The following PDE1C variants were observed in gnomAD, a reference collection of about 807,000 sequenced individuals.
The protein encoded by PDE1C is phosphodiesterase 1C.
A neutral mutation model predicts 93.1 loss-of-function variants in PDE1C; 62 were observed. That is an observed-to-expected ratio of 0.67 (90% CI 0.54 to 0.82). PDE1C has a LOEUF of 0.82. Among genes scored for constraint, PDE1C ranks in the 40% least tolerant of loss-of-function variants. The probability of loss-of-function intolerance (pLI) is 0.00; values close to 1 mark genes in which losing one functional copy is unlikely to be tolerated. For synonymous variants in PDE1C, 325 were observed against 310.1 expected (o/e 1.05, Z -0.50); for missense variants, 742 against 884.6 (o/e 0.84, Z 2.04).
chr7:31,744,626 A>G, the PDE1C span, among the ~76,000 whole-genome samples: 22 of 152,278 alleles, frequency 1.4e-4, no homozygotes, highest in African/African-American at 5.3e-4. Context: ...ATTTCTAGAA[A>G]TGATCAAGGC....
the PDE1C span, among the ~76,000 whole-genome samples, chr7:31,744,814 G>A: frequency 3.9e-5 from 6 of 152,110 alleles, no homozygotes; most frequent in African/African-American, 1.4e-4. Context: ...TCCAAAATTC[G>A]GGAAACTGCA....
At chr7:31,695,516 C>T in the PDE1C span, 2 of 1,613,312 alleles carry the variant, frequency 1.2e-6, no homozygotes, top group South Asian at 1.1e-5. Context: ...CAAAAAGAAG[C>T]CTAGAAAGGG....
chr7:31,710,527 A>G, the PDE1C span, among the ~76,000 whole-genome samples: 1 of 152,180 alleles, frequency 6.6e-6, no homozygotes, highest in East Asian at 1.9e-4. Context: ...AATTAAGTGA[A>G]TTTTCCCTGT....
chr7:32,357,298 C>T (rs2128084244), intron 1 of PDE1C, among the ~76,000 whole-genome samples: 1 of 151,518 alleles, frequency 6.6e-6, no homozygotes, highest in East Asian at 1.9e-4. Flanking sequence ...CGCACCACTG[C>T]ACTCCAACCT....
chr7:31,975,896 C>T (rs1811600907), intron 2 of PDE1C, among the ~76,000 whole-genome samples: 1 of 152,202 alleles, frequency 6.6e-6, no homozygotes. Flanking sequence ...CTCTCCTCCA[C>T]ATTTAACCGA....
the PDE1C span, among the ~76,000 whole-genome samples, chr7:31,630,606 C>T: frequency 7.2e-5 from 11 of 152,190 alleles, no homozygotes; most frequent in African/African-American, 2.6e-4. Context: ...CAGGGAAGAT[C>T]TGCATCGAGT....
the PDE1C span, among the ~76,000 whole-genome samples, chr7:31,744,814 G>T: frequency 6.6e-6 from 1 of 152,110 alleles, no homozygotes; most frequent in African/African-American, 2.4e-5. Context: ...TCCAAAATTC[G>T]GGAAACTGCA....
intron 9 of PDE1C, among the ~76,000 whole-genome samples, chr7:31,844,831 C>T (rs1241793479): frequency 6.6e-6 from 1 of 151,994 alleles, no homozygotes; most frequent in Non-Finnish European, 1.5e-5. Context: ...TCATTTAAAA[C>T]AGCTTTTTCC....
intron 2 of PDE1C, among the ~76,000 whole-genome samples, chr7:31,970,315 T>C (rs6961368): frequency 0.47 from 71,084 of 151,936 alleles, 18,624 homozygotes; most frequent in African/African-American, 0.71. Flanking sequence ...TATCTTTATG[T>C]CGAGCCCCAA....
chr7:31,711,623 ATGAG>A, the PDE1C span, among the ~76,000 whole-genome samples: 58 of 152,300 alleles, frequency 3.8e-4, no homozygotes, highest in African/African-American at 1.0e-3. Context: ...TAATTTTTGA[ATGAG>A]TAAGTATATT....
chr7:31,715,643 A>G, the PDE1C span, among the ~76,000 whole-genome samples: 10 of 152,256 alleles, frequency 6.6e-5, no homozygotes, highest in Non-Finnish European at 1.5e-4. Flanking sequence ...AGATGCTCAC[A>G]GCTTATGCTG....
the PDE1C span, among the ~76,000 whole-genome samples, chr7:31,717,461 C>G: frequency 2.6e-5 from 4 of 152,156 alleles, no homozygotes; most frequent in East Asian, 7.7e-4. Flanking sequence ...GAATGTTTGC[C>G]CTTGGGTGGG....
chr7:32,284,443 T>C (rs1332175905), intron 1 of PDE1C, among the ~76,000 whole-genome samples: 1 of 152,200 alleles, frequency 6.6e-6, no homozygotes, highest in Non-Finnish European at 1.5e-5. Context: ...TACCTAGTAT[T>C]CCAAATAAAG....
Position 32,015,414 on chromosome 7 carries a change from T to C in PDE1C, c.128+36140A>G, listed in dbSNP as rs569123936. Among the ~76,000 whole-genome samples the C allele has an allele frequency of 2.0e-5, 3 of 152,248 alleles. No homozygotes were observed. The East Asian group carries it at 5.8e-4, about 29-fold the overall frequency. ...CATTGTTAACGCCAAATGGTTAAGC[T>C]GATGCTTTATTTCCCTGTCAGTTAA... On this transcript the variant is annotated intron_variant, in intron 2 of 17. Coordinates refer to ENST00000396191, the MANE Select transcript of PDE1C (RefSeq NM_001191057.4).
chr7:31,620,979 A>T, the PDE1C span, among the ~76,000 whole-genome samples: 18 of 152,156 alleles, frequency 1.2e-4, no homozygotes, highest in Middle Eastern at 6.8e-3. Flanking sequence ...TCAGGAGCCA[A>T]TGCGATCAAC....
intron 1 of PDE1C, among the ~76,000 whole-genome samples, chr7:32,289,182 A>T (rs1201379651): frequency 6.6e-6 from 1 of 152,244 alleles, no homozygotes; most frequent in Non-Finnish European, 1.5e-5. Flanking sequence ...AAGCAGAAGG[A>T]TCGCTTGAGC....
chr7:32,065,202 G>A (rs1289895376), intron 1 of PDE1C, among the ~76,000 whole-genome samples: 1 of 152,128 alleles, frequency 6.6e-6, no homozygotes, highest in African/African-American at 2.4e-5. Context: ...AGGTTCACTA[G>A]AACACAAGCC....
chr7:32,212,334 A>G (rs1806108806), intron 1 of PDE1C, among the ~76,000 whole-genome samples: 2 of 152,156 alleles, frequency 1.3e-5, no homozygotes, highest in African/African-American at 4.8e-5. Flanking sequence ...AAGGATGGGA[A>G]TTGCTGACCC....
chr7:31,651,997 T>C, the PDE1C span: 4 of 1,606,068 alleles, frequency 2.5e-6, no homozygotes, highest in East Asian at 2.2e-5. Context: ...GGTGGCAGAG[T>C]TGGAATTTCA....
Sources: allele counts gnomAD v4.1 joint callset (sites outside exome capture counted in the v4.1 genomes callset), GRCh38; gene constraint gnomAD v4.1.1; transcripts MANE v1.5; gene names NCBI Gene and HGNC (gene_info 2026-07-23, HGNC 2026-07-21).